The following FOXN3 variants were observed in gnomAD, a reference collection of about 807,000 sequenced individuals.
FOXN3 encodes the protein forkhead box N3.
In FOXN3, 7 loss-of-function variants were observed where a neutral mutation model predicts 38.4. That is an observed-to-expected ratio of 0.18 (90% CI 0.10 to 0.34). The LOEUF (loss-of-function observed/expected upper bound fraction) is 0.34, where lower values mean the gene tolerates loss of function less well. Ranked by LOEUF, FOXN3 falls within the 10% of genes least tolerant of loss-of-function variation. The probability of loss-of-function intolerance (pLI) is 1.00; values close to 1 mark genes in which losing one functional copy is unlikely to be tolerated. For missense variants in FOXN3, 456 were observed against 613.4 expected, an observed-to-expected ratio of 0.74 and a Z score of 2.71; for synonymous variants, 230 against 242.2, an observed-to-expected ratio of 0.95 and a Z score of 0.47.
At position 89,164,706 on chromosome 14, in the gene FOXN3, T is replaced by A. The variant is rs899953535; in HGVS notation, c.852-1737A>T. Reference sequence around the variant, plus strand: ...AAATGACTGTGGGTCTCCACCACCATGACTCACCGGGCACACGCTGAGGAT... The same window carrying A: ...AAATGACTGTGGGTCTCCACCACCAAGACTCACCGGGCACACGCTGAGGAT... On this transcript the variant is annotated intron_variant, in intron 5 of 5. Transcript: ENST00000557258. This position sits in a 1 kb window ranked among gnomAD's most constrained non-coding sequence, Gnocchi z 4.3. Among the ~76,000 whole-genome samples the A allele has an allele frequency of 6.6e-6, 1 of 152,142 alleles. No homozygotes were observed. Among genetic ancestry groups the A allele is most frequent in the Non-Finnish European group, 1.5e-5 (1 of 68,008 alleles).
At chr14:89,286,681 G>A (rs1733469970) in intron 3 of FOXN3, among the ~76,000 whole-genome samples, 1 of 152,140 alleles carries the variant, frequency 6.6e-6, no homozygotes, top group Admixed American at 6.5e-5. Context: ...TAATCACCAG[G>A]AAATAATAGA....
intron 1 of FOXN3, among the ~76,000 whole-genome samples, chr14:89,554,648 A>G (rs1895076358): frequency 6.6e-6 from 1 of 152,196 alleles, no homozygotes; most frequent in Non-Finnish European, 1.5e-5. Context: ...CTACTTCTCA[A>G]CAGCAAAAGA....
chr14:89,283,363 T>C (rs930640624), intron 3 of FOXN3, among the ~76,000 whole-genome samples: 4 of 152,196 alleles, frequency 2.6e-5, no homozygotes, highest in Admixed American at 6.5e-5. Flanking sequence ...GCAATGCCTA[T>C]AGACAGACTC....
At chr14:89,578,521 CT>C (rs1422121819) in intron 1 of FOXN3, among the ~76,000 whole-genome samples, 39 of 152,324 alleles carry the variant, frequency 2.6e-4, no homozygotes, top group African/African-American at 9.4e-4. Flanking sequence ...CAACAGGCAT[CT>C]CAAACTTAGG....
chr14:89,428,410 C>T (rs78623708), intron 1 of FOXN3, among the ~76,000 whole-genome samples: 205 of 152,224 alleles, frequency 1.3e-3, no homozygotes, highest in African/African-American at 4.3e-3. Flanking sequence ...AATTGTGAGA[C>T]GTGACTGCAT....
At chr14:89,602,841 T>A (rs1896180848) in intron 1 of FOXN3, among the ~76,000 whole-genome samples, 1 of 152,194 alleles carries the variant, frequency 6.6e-6, no homozygotes, top group Non-Finnish European at 1.5e-5. Context: ...CCTCAAGGAA[T>A]GTATTATACA....
chr14:89,531,691 CCTGCATTT>C (rs1228924616), intron 1 of FOXN3, among the ~76,000 whole-genome samples: 7 of 152,248 alleles, frequency 4.6e-5, no homozygotes, highest in Non-Finnish European at 1.0e-4. Context: ...TGGAATGGAG[CCTGCATTT>C]CTGCATTTCT....
intron 1 of FOXN3, among the ~76,000 whole-genome samples, chr14:89,586,071 T>C (rs1566709591): frequency 6.6e-6 from 1 of 152,116 alleles, no homozygotes; most frequent in African/African-American, 2.4e-5. Flanking sequence ...AATCTTCCTA[T>C]ATTCTATAGA....
intron 1 of FOXN3, among the ~76,000 whole-genome samples, chr14:89,549,551 C>A (rs1894959249): frequency 1.3e-5 from 2 of 152,054 alleles, no homozygotes; most frequent in African/African-American, 4.8e-5. Context: ...TCCCCAATAT[C>A]CCCCAAAACA....
intron 1 of FOXN3, among the ~76,000 whole-genome samples, chr14:89,580,963 A>C (rs1895727321): frequency 6.6e-6 from 1 of 151,848 alleles, no homozygotes; most frequent in South Asian, 2.1e-4. Flanking sequence ...TAGGAGGATC[A>C]CCTGAGCCAA....
intron 4 of FOXN3, among the ~76,000 whole-genome samples, chr14:89,197,694 G>A (rs1452428559): frequency 6.6e-6 from 1 of 152,176 alleles, no homozygotes; most frequent in Non-Finnish European, 1.5e-5. Context: ...GAGAAGTACT[G>A]GATGCTCCCC....
At chr14:89,341,536 TA>T (rs1488069801) in intron 3 of FOXN3, among the ~76,000 whole-genome samples, 1 of 152,210 alleles carries the variant, frequency 6.6e-6, no homozygotes, top group Non-Finnish European at 1.5e-5. Flanking sequence ...CTCTACTTCT[TA>T]ATCTCCCTCC....
intron 2 of FOXN3, among the ~76,000 whole-genome samples, chr14:89,360,720 T>TCCACCACCA (rs1196031747): frequency 8.3e-6 from 1 of 120,360 alleles, no homozygotes. Flanking sequence ...CAGCACTACC[T>TCCACCACCA]CCACCACCAC....
In FOXN3 at chr14:89,464,351, T is replaced by C. The variant is rs766220326; in HGVS notation, c.-14-51861A>G. On this transcript the variant is annotated intron_variant, in intron 1 of 6. Transcript: ENST00000345097. The stretch of plus-strand genomic sequence containing the variant: ...TTGGAGATAGCCTTCCCCTGATTCA[T>C]GGCCAAGAGCACTCATCCTCTATAG... 5.9e-5 allele frequency among the ~76,000 whole-genome samples: 9 copies of C among 152,174 alleles called. No individual in the cohort carries two copies. In the East Asian group the frequency reaches 7.7e-4, roughly 13 times the overall value.
chr14:89,478,931 C>CAAAAAAAAAAA (rs59945805), intron 1 of FOXN3, among the ~76,000 whole-genome samples: 7,262 of 53,656 alleles, frequency 0.14, 1,406 homozygotes, highest in Non-Finnish European at 0.14. Flanking sequence ...GACTCCATCT[C>CAAAAAAAAAAA]AAAAAAAAAA....
intron 1 of FOXN3, among the ~76,000 whole-genome samples, chr14:89,511,393 A>G (rs915720081): frequency 6.6e-5 from 10 of 150,806 alleles, no homozygotes; most frequent in African/African-American, 2.4e-4. Context: ...TCTGGGCTCA[A>G]GCAAACCTCC....
intron 3 of FOXN3, among the ~76,000 whole-genome samples, chr14:89,288,060 C>CA (rs367567642): frequency 1.7e-3 from 96 of 55,710 alleles, no homozygotes; most frequent in African/African-American, 3.0e-3. Flanking sequence ...GACCCTGTCT[C>CA]AAAAAAAAAT....
intron 4 of FOXN3, among the ~76,000 whole-genome samples, chr14:89,226,410 G>C (rs1884642326): frequency 6.6e-6 from 1 of 152,058 alleles, no homozygotes. Context: ...ATTTTTTATA[G>C]AGATGGGGTC....
At chr14:89,541,721 C>G (rs1894793494) in intron 1 of FOXN3, among the ~76,000 whole-genome samples, 1 of 152,076 alleles carries the variant, frequency 6.6e-6, no homozygotes, top group South Asian at 2.1e-4. Context: ...GCATGAGATT[C>G]AAGAACCCTC....
Sources: gnomAD v4.1 joint callset for allele counts (sites outside exome capture counted in the v4.1 genomes callset) on GRCh38, gnomAD v4.1.1 for gene constraint, Gnocchi (gnomAD v3.1) non-coding constraint, MANE v1.5 for transcripts, NCBI Gene and HGNC (gene_info 2026-07-23, HGNC 2026-07-21) for gene names.